CLCN6: variants seen among roughly 807,000 people sequenced by gnomAD.
CLCN6 encodes H(+)/Cl(-) exchange transporter 6.
CLCN6 carries 70 observed loss-of-function variants against 109.8 expected under a neutral mutation model. The observed-to-expected ratio is 0.64, with a 90% confidence interval of 0.53 to 0.78. CLCN6 has a LOEUF of 0.78. Among genes scored for constraint, CLCN6 ranks in the 30% least tolerant of loss-of-function variants. CLCN6 has a pLI of 0.00. For missense variants in CLCN6, 984 were observed against 1,142.3 expected, an observed-to-expected ratio of 0.86 and a Z score of 2.00; for synonymous variants, 444 against 447.8, an observed-to-expected ratio of 0.99 and a Z score of 0.11.
At position 11,834,120 on chromosome 1, in the gene CLCN6, G is replaced by A. The variant is rs1055816909; in HGVS notation, c.1526+90G>A. The A allele has an allele frequency of 6.9e-6, 11 of 1,593,254 alleles. 1 individual carries two copies. The highest frequency in any genetic ancestry group is 5.6e-5 in the South Asian group (5 of 89,136). On this transcript the variant is annotated intron_variant, in intron 15 of 22. Transcript: ENST00000346436. The surrounding 1 kb of genome is among the most constrained non-coding windows in gnomAD (Gnocchi z 4.5). ...TGTGTGTGCGTGTGCGTGCGTTGATGTGTCTGTGCCCATGCATGCACATAT... is the reference window on the plus strand; with the variant it reads ...TGTGTGTGCGTGTGCGTGCGTTGATATGTCTGTGCCCATGCATGCACATAT...
At chr1:11,810,445 A>G (rs1644582804) in intron 2 of CLCN6, among the ~76,000 whole-genome samples, 1 of 152,168 alleles carries the variant, frequency 6.6e-6, no homozygotes, top group South Asian at 2.1e-4. Context: ...TGGCCATAGC[A>G]GCACCCCTAG....
At chr1:11,807,086 T>C in intron 1 of CLCN6, 45 bp from the exon 2 acceptor site, 1 of 1,556,548 alleles carries the variant, frequency 6.4e-7, no homozygotes, top group African/African-American at 1.4e-5. Flanking sequence ...CTCCTTCCAC[T>C]CCTAACCACT....
chr1:11,834,104 G>A lies in CLCN6; in HGVS notation c.1526+74G>A, dbSNP rs768244701. 5.2e-5 allele frequency: 83 copies of A among 1,593,458 alleles called. No individual in the cohort carries two copies. The highest frequency in any genetic ancestry group is 1.2e-4 in the Admixed American group (7 of 56,136). ...TGTGCGTGTGTATGCATGTGTGTGCGTGTGCGTGCGTTGATGTGTCTGTGC... is the reference window on the plus strand; with the variant it reads ...TGTGCGTGTGTATGCATGTGTGTGCATGTGCGTGCGTTGATGTGTCTGTGC... On this transcript the variant is annotated intron_variant, in intron 15 of 22. Coordinates refer to ENST00000346436, the MANE Select transcript of CLCN6 (RefSeq NM_001286.5). The surrounding 1 kb of genome is among the most constrained non-coding windows in gnomAD (Gnocchi z 4.5).
Position 11,834,067 on chromosome 1 carries a change from TGTGTGTGCACGTGTGC to T in CLCN6, c.1526+44_1526+59del. 6.2e-7 allele frequency: 1 copy of T among 1,608,014 alleles called. No homozygotes were observed. Among genetic ancestry groups the T allele is most frequent in the Non-Finnish European group, 8.5e-7 (1 of 1,176,350 alleles). ...GTGTGCGTGTGTGTGCGCATGTGCA[TGTGTGTGCACGTGTGC>T]GTGTGTATGCATGTGTGTGCGTGTG... On this transcript the variant is annotated intron_variant, in intron 15 of 22. Coordinates refer to ENST00000346436, the MANE Select transcript of CLCN6 (RefSeq NM_001286.5). This position sits in a 1 kb window ranked among gnomAD's most constrained non-coding sequence, Gnocchi z 4.5.
intron 18 of CLCN6, 85 bp from the exon 19 acceptor site, chr1:11,836,909 ACCCTC>A (rs1451990746): frequency 6.7e-7 from 1 of 1,481,594 alleles, no homozygotes; most frequent in Non-Finnish European, 9.2e-7. Context: ...TGTGCTTCTG[ACCCTC>A]CCTGTCACCC....
intron 1 of CLCN6, chr1:11,806,908 T>G: frequency 1.8e-6 from 1 of 546,766 alleles, no homozygotes; most frequent in Non-Finnish European, 3.3e-6. Context: ...AAGAGGAGGG[T>G]GGTTATTTGG....
chr1:11,813,078 C>A (rs1644622970), intron 2 of CLCN6, among the ~76,000 whole-genome samples: 1 of 152,190 alleles, frequency 6.6e-6, no homozygotes, highest in South Asian at 2.1e-4. Flanking sequence ...AGAATTATTT[C>A]CTCCCACATC....
rs191379925 is a variant in CLCN6, at chr1:11,819,276, T to C, written c.280-212T>C. 2.6e-3 allele frequency among the ~76,000 whole-genome samples: 397 copies of C among 152,298 alleles called. 6 individuals carry two copies. The highest frequency in any genetic ancestry group is 9.2e-3 in the African/African-American group (381 of 41,590). ...CTTCACTCAACTTAGCTGTACTCTC[T>C]GCCTTTGTTCTTTGGAGGGGCAGTG... On this transcript the variant is annotated intron_variant, in intron 4 of 22. Coordinates refer to ENST00000346436, the MANE Select transcript of CLCN6 (RefSeq NM_001286.5).
rs371904310 is a variant in CLCN6 at position 11,828,514 on chromosome 1, C to T, written c.1011C>T (p.Phe337=). ...GGACAGCTATGGATTTGGGTTTCTT[C>T]GTCGTGATGGGGGTCATTGGGGGCC... The part of the protein sequence containing the change: ...HLWTAMDLGF[F]VVMGVIGGLL... Residue 337 remains phenylalanine (F), a synonymous_variant, in exon 12 of 23, where the codon TTC becomes TTT. Coordinates refer to ENST00000346436, the MANE Select transcript of CLCN6 (RefSeq NM_001286.5). 2.5e-5 allele frequency: 41 copies of T among 1,613,996 alleles called. No homozygotes were observed. The highest frequency in any genetic ancestry group is 3.2e-5 in the Non-Finnish European group (38 of 1,180,022).
chr1:11,825,586 C>T (rs1487161074), intron 8 of CLCN6, among the ~76,000 whole-genome samples: 6 of 152,210 alleles, frequency 3.9e-5, no homozygotes, highest in Non-Finnish European at 1.5e-5. Context: ...ATAAGCTCCT[C>T]CCAAGGGTGG....
At chr1:11,819,100 C>T (rs1338963222) in intron 4 of CLCN6, among the ~76,000 whole-genome samples, 1 of 152,198 alleles carries the variant, frequency 6.6e-6, no homozygotes, top group East Asian at 1.9e-4. Flanking sequence ...CTTAGCTCAT[C>T]AGCTGTCATT....
In CLCN6 at chr1:11,833,909, T is replaced by C. The variant is rs757904618; in HGVS notation, c.1405T>C (p.Phe469Leu). ...TFSPVTLALF[F>L]VLYFLLACWT... ...CAGCCCCGTCACTCTGGCCTTGTTC[T>C]TCGTTCTCTATTTCTTGCTTGCATG... is the stretch of plus-strand genomic sequence containing the variant. The change falls in exon 15 of 23, where the codon TTC becomes CTC. Residue 469 changes from phenylalanine to leucine, a missense_variant. Phe to Leu is a conservative substitution (Grantham distance 22). Transcript: ENST00000346436. 6.2e-7 allele frequency: 1 copy of C among 1,613,404 alleles called. No homozygotes were observed. The highest frequency in any genetic ancestry group is 8.5e-7 in the Non-Finnish European group (1 of 1,179,818).
intron 13 of CLCN6, among the ~76,000 whole-genome samples, chr1:11,832,917 T>A (rs1644898789): frequency 6.6e-6 from 1 of 152,024 alleles, no homozygotes; most frequent in Non-Finnish European, 1.5e-5. Flanking sequence ...TCTGTTTGGG[T>A]TTTGTTCCCC....
Position 11,836,015 on chromosome 1 carries a change from G to T in CLCN6, c.1842G>T (p.Pro614=), listed in dbSNP as rs761643318. 2 of 1,613,610 alleles carry T rather than the reference G, an allele frequency of 1.2e-6. No homozygotes were observed. Among genetic ancestry groups the T allele is most frequent in the Admixed American group, 1.7e-5 (1 of 59,926 alleles). ...IMEPNLTYVY[P]HTRIQSLVSI... ...AGCCCAACCTGACCTACGTCTACCC[G>T]CACACCCGCATCCAGTCTCTGGTGA... Residue 614 remains proline, a synonymous_variant, in exon 18 of 23, where the codon CCG becomes CCT. Coordinates refer to ENST00000346436, the MANE Select transcript of CLCN6 (RefSeq NM_001286.5).
chr1:11,806,585 C>T (rs1644515119), intron 1 of CLCN6: 2 of 464,070 alleles, frequency 4.3e-6, no homozygotes, highest in South Asian at 8.0e-5. Flanking sequence ...CAGTAAATCC[C>T]ACCCATGTTT....
chr1:11,840,770 T>C lies in CLCN6; in HGVS notation c.*547T>C, dbSNP rs773494599. ...TTAACACGGTATCCTCGCTAGTTGGTTTTAAGGGAAACACTCTGCTCCTGG... is the reference window on the plus strand; with the variant it reads ...TTAACACGGTATCCTCGCTAGTTGGCTTTAAGGGAAACACTCTGCTCCTGG... On this transcript the variant is annotated 3_prime_UTR_variant, in exon 23 of 23. Transcript: ENST00000346436. The C allele has an allele frequency of 2.9e-5, 5 of 171,752 alleles. No individual in the cohort carries two copies. The highest frequency in any genetic ancestry group is 4.7e-5 in the African/African-American group (2 of 42,480). The allele number at this position is 171,752 out of a possible 1,614,324, so 10.6% of individuals were successfully genotyped here. A position where few individuals can be genotyped will look rare whatever the true frequency, so the allele number is the denominator to read the frequency against.
Position 11,840,328 on chromosome 1 carries a change from C to T in CLCN6, c.*105C>T, listed in dbSNP as rs198411. 142,952 of 991,606 alleles carry T rather than the reference C, an allele frequency of 0.14. 12,710 individuals are homozygous for T. The highest frequency in any genetic ancestry group is 0.36 in the African/African-American group (23,105 of 63,310). 61.4% of individuals were successfully genotyped at this position (991,606 alleles called of 1,614,324 possible). On this transcript the variant is annotated 3_prime_UTR_variant, in exon 23 of 23. Transcript: ENST00000346436. ...TTCCGGGGCATGGAAGATTCCCAGT[C>T]ACCCACTCACTCAGAAAGCCGGGAG... is the stretch of plus-strand genomic sequence containing the variant.
At position 11,827,075 on chromosome 1, in the gene CLCN6, T is replaced by C; in HGVS notation, c.708-14T>C. The C allele has an allele frequency of 2.5e-6, 4 of 1,612,768 alleles. No homozygotes were observed. Among genetic ancestry groups the C allele is most frequent in the Non-Finnish European group, 3.4e-6 (4 of 1,179,466 alleles). ...GGCTCTTTATTGGATAACCCGTCTC[T>C]CTCCTCTCCTCAGAGACAAGAGAGA... On this transcript the variant is annotated splice_polypyrimidine_tract_variant and intron_variant, in intron 9 of 22. Transcript: ENST00000346436.
At chr1:11,829,481 A>G (rs919868600) in intron 13 of CLCN6, among the ~76,000 whole-genome samples, 159 bp downstream of exon 13, 51 of 152,290 alleles carry the variant, frequency 3.3e-4, no homozygotes, top group African/African-American at 1.2e-3. Context: ...TCGTCTTTTT[A>G]CCTCAGAGAA....
Sources: gnomAD v4.1 joint callset for allele counts (sites outside exome capture counted in the v4.1 genomes callset) on GRCh38, gnomAD v4.1.1 for gene constraint, Gnocchi (gnomAD v3.1) non-coding constraint, MANE v1.5 for transcripts, NCBI Gene and HGNC (gene_info 2026-07-23, HGNC 2026-07-21) for gene names.